The following HMCN1 variants were observed in gnomAD, a reference collection of about 807,000 sequenced individuals.
HMCN1 encodes the protein hemicentin-1.
A neutral mutation model predicts 625.9 loss-of-function variants in HMCN1; 321 were observed. That is an observed-to-expected ratio of 0.51 (90% CI 0.47 to 0.56). HMCN1 has a LOEUF of 0.56. Among genes scored for constraint, HMCN1 ranks in the 20% least tolerant of loss-of-function variants. The pLI is 0.00. For synonymous variants in HMCN1, 2,425 were observed against 2,417.6 expected, an observed-to-expected ratio of 1.00 and a Z score of -0.09; for missense variants, 6,588 against 6,887.3, an observed-to-expected ratio of 0.96 and a Z score of 1.54.
intron 1 of HMCN1, among the ~76,000 whole-genome samples, chr1:185,819,440 T>C (rs1002615646): frequency 9.2e-5 from 14 of 152,350 alleles, no homozygotes; most frequent in African/African-American, 3.4e-4. Flanking sequence ...TTCCTATTTA[T>C]CACTTTTTAT....
chr1:185,832,369 G>T (rs1660922155), intron 1 of HMCN1, among the ~76,000 whole-genome samples: 1 of 151,992 alleles, frequency 6.6e-6, no homozygotes, highest in Admixed American at 6.6e-5. Flanking sequence ...TTAGCAAAAG[G>T]GGAGTAATGA....
chr1:185,769,951 A>C (rs1039641161), intron 1 of HMCN1, among the ~76,000 whole-genome samples: 7 of 152,130 alleles, frequency 4.6e-5, no homozygotes, highest in Admixed American at 6.5e-5. Context: ...CATCACTTTC[A>C]CCATATTCTG....
chr1:186,153,206 C>T (rs1220284831), intron 96 of HMCN1, among the ~76,000 whole-genome samples: 5 of 152,134 alleles, frequency 3.3e-5, no homozygotes, highest in African/African-American at 7.2e-5. Context: ...GGATAACAAT[C>T]GCCCTTTCAC....
Position 186,067,857 on chromosome 1 carries a change from G to C in HMCN1, c.7729G>C (p.Gly2577Arg). 6.2e-7 allele frequency: 1 copy of C among 1,612,610 alleles called. No individual in the cohort carries two copies. Among genetic ancestry groups the C allele is most frequent in the African/African-American group, 1.3e-5 (1 of 74,972 alleles). ...AGTATCTCCTACAATTGCTGGTGTA[G>C]GTAGTGATGGCAACCCTGAAGATGT... Reference protein sequence around the residue: ...VFVSPTIAGVGSDGNPEDVTV... With the variant: ...VFVSPTIAGVRSDGNPEDVTV... Residue 2577 changes from glycine (G) to arginine (R), a missense_variant, in exon 50 of 107, where the codon GGT becomes CGT. Transcript: ENST00000271588.
chr1:185,898,061 G>A (rs995650633), intron 4 of HMCN1, among the ~76,000 whole-genome samples: 12 of 152,038 alleles, frequency 7.9e-5, no homozygotes, highest in African/African-American at 1.9e-4. Context: ...TCTGTTTCAC[G>A]CCTTATTTCA....
intron 63 of HMCN1, 59 bp from the exon 64 acceptor site, chr1:186,090,699 T>C: frequency 1.3e-6 from 2 of 1,580,522 alleles, no homozygotes; most frequent in Non-Finnish European, 1.7e-6. Flanking sequence ...TATGACTCTG[T>C]TACATTAGAA....
intron 4 of HMCN1, among the ~76,000 whole-genome samples, chr1:185,903,884 C>T (rs1418249254): frequency 6.6e-6 from 1 of 151,838 alleles, no homozygotes; most frequent in Non-Finnish European, 1.5e-5. Flanking sequence ...AATACATTTC[C>T]TCTCTATAGG....
In HMCN1 at chr1:186,117,495, T is replaced by A. The variant is rs1285745196; in HGVS notation, c.11720T>A (p.Leu3907Gln). 21 of 1,613,908 alleles carry A rather than the reference T, an allele frequency of 1.3e-5. No homozygotes were observed. Among genetic ancestry groups the A allele is most frequent in the Non-Finnish European group, 1.7e-5 (20 of 1,179,856 alleles). The change falls in exon 77 of 107, where the codon CTA (leucine) becomes CAA (glutamine). Residue 3907 changes from leucine (L) to glutamine (Q), a missense_variant. By Grantham distance (113) the Leu-to-Gln change is moderately radical (BLOSUM62 -2). Coordinates refer to ENST00000271588, the MANE Select transcript of HMCN1 (RefSeq NM_031935.3). Reference sequence around the variant, plus strand: ...ATAGCTGATGAGCCTACAGATTTCCTAGTAACCAAACATGCCCCAGCAGTA... The same window carrying A: ...ATAGCTGATGAGCCTACAGATTTCCAAGTAACCAAACATGCCCCAGCAGTA... The part of the protein sequence containing the change: ...PSIADEPTDF[L>Q]VTKHAPAVIT...
At chr1:186,154,072 C>T (rs1219494412) in intron 97 of HMCN1, 85 bp downstream of exon 97, 3 of 1,046,458 alleles carry the variant, frequency 2.9e-6, no homozygotes, top group East Asian at 4.9e-5. Flanking sequence ...TTGAGGCCTA[C>T]ATCTAACATG....
intron 1 of HMCN1, among the ~76,000 whole-genome samples, chr1:185,807,514 A>G (rs1659245410): frequency 6.6e-6 from 1 of 152,206 alleles, no homozygotes; most frequent in African/African-American, 2.4e-5. Flanking sequence ...AATACACATA[A>G]ACATGCACAT....
intron 1 of HMCN1, among the ~76,000 whole-genome samples, chr1:185,810,767 A>T (rs1300364940): frequency 6.6e-6 from 1 of 152,080 alleles, no homozygotes; most frequent in Non-Finnish European, 1.5e-5. Context: ...CTGGAAAATA[A>T]AAGTTGTATA....
At chr1:186,034,413 T>C (rs1160869927) in intron 36 of HMCN1, among the ~76,000 whole-genome samples, 1 of 152,202 alleles carries the variant, frequency 6.6e-6, no homozygotes, top group Admixed American at 6.6e-5. Flanking sequence ...CTTTTCTATA[T>C]AAATTCTATG....
intron 1 of HMCN1, among the ~76,000 whole-genome samples, chr1:185,791,578 T>C (rs1657999746): frequency 6.6e-6 from 1 of 151,838 alleles, no homozygotes; most frequent in African/African-American, 2.4e-5. Context: ...AAAAATTAGC[T>C]GGGCACGGTG....
chr1:186,153,692 A>T, intron 96 of HMCN1, 58 bp from the exon 97 acceptor site: 2 of 1,432,548 alleles, frequency 1.4e-6, no homozygotes, highest in Non-Finnish European at 2.0e-6. Context: ...TAGTCCCCTT[A>T]AGGGAAAAAA....
chr1:185,993,527 T>G, intron 23 of HMCN1: 1 of 491,148 alleles, frequency 2.0e-6, no homozygotes, highest in Admixed American at 3.4e-5. Context: ...TCAAATAAAC[T>G]ATGTTAAATT....
rs982133845 is a variant in HMCN1, at chr1:185,869,110, C to T, written c.621+3247C>T. 2.0e-5 allele frequency among the ~76,000 whole-genome samples: 3 copies of T among 152,280 alleles called. No homozygotes were observed. The East Asian group carries it at 5.8e-4, about 29-fold the overall frequency. The stretch of plus-strand genomic sequence containing the variant: ...GCTAATGAGACCAAAGGAATTTTAG[C>T]TAGGAGTATTTTGGATTAAGTCAAC... On this transcript the variant is annotated intron_variant, in intron 4 of 106. Transcript: ENST00000271588.
At chr1:186,130,445 AG>A in intron 84 of HMCN1, 61 bp from the exon 85 acceptor site, 1 of 1,521,328 alleles carries the variant, frequency 6.6e-7, no homozygotes, top group Non-Finnish European at 9.1e-7. Context: ...AATAGGTCAA[AG>A]ATCACAAAGA....
chr1:186,119,433 A>G (rs547735276), intron 78 of HMCN1, 135 bp downstream of exon 78: 21 of 777,490 alleles, frequency 2.7e-5, no homozygotes, highest in Admixed American at 4.0e-5. Context: ...AAAGCCTGGT[A>G]GATACTTTTA....
At chr1:186,117,700 C>A in intron 77 of HMCN1, 77 bp downstream of exon 77, 9 of 1,377,998 alleles carry the variant, frequency 6.5e-6, no homozygotes, top group Non-Finnish European at 8.3e-6. Context: ...GCCTTTGTTG[C>A]ACCAGAATAA....
Sources: gnomAD v4.1 joint callset for allele counts (sites outside exome capture counted in the v4.1 genomes callset) on GRCh38, gnomAD v4.1.1 for gene constraint, MANE v1.5 for transcripts, NCBI Gene and HGNC (gene_info 2026-07-23, HGNC 2026-07-21) for gene names.